PRPF8: variants seen among roughly 807,000 people sequenced by gnomAD.
PRPF8 encodes pre-mRNA-processing-splicing factor 8.
In PRPF8, 64 loss-of-function variants were observed where a neutral mutation model predicts 285.9. That is an observed-to-expected ratio of 0.22 (90% CI 0.18 to 0.28). PRPF8 has a LOEUF of 0.28. Among genes scored for constraint, PRPF8 ranks in the 10% least tolerant of loss-of-function variants. PRPF8 has a pLI of 1.00. For missense variants in PRPF8, 1,426 were observed against 3,026.7 expected (o/e 0.47, Z 12.41); for synonymous variants, 1,325 against 1,118.2 (o/e 1.18, Z -3.69).
chr17:1,655,191 C>A (rs1050345022), intron 37 of PRPF8, among the ~76,000 whole-genome samples, 159 bp downstream of exon 37: 3 of 151,984 alleles, frequency 2.0e-5, no homozygotes, highest in African/African-American at 7.3e-5. Flanking sequence ...CTCCTGACCT[C>A]AAATGATCTA....
chr17:1,672,806 T>G (rs557469351), intron 24 of PRPF8: 205 of 555,186 alleles, frequency 3.7e-4, no homozygotes, highest in African/African-American at 3.6e-3. Context: ...AATGCTTTTC[T>G]GTTCAAAATA....
rs138076455 is a variant in PRPF8, at chr17:1,651,776, G to A, written c.6382C>T (p.Leu2128=). The change falls in exon 40 of 43, where the codon CTA becomes TTA. Residue 2128 remains leucine, a synonymous_variant. Transcript: ENST00000304992. This position sits in a 1 kb window ranked among gnomAD's most constrained non-coding sequence, Gnocchi z 5.1. ...SDLRAQIAGY[L]YGVSPPDNPQ... ...TTATCTGGTGGGCTCACCCCATATA[G>A]GTATCCTGCAATCTGGAGACAAAGG... The A allele has an allele frequency of 1.4e-4, 231 of 1,614,126 alleles. 1 individual carries two copies. The African/African-American group carries it at 2.3e-3, about 16-fold the overall frequency.
At position 1,684,406 on chromosome 17, in the gene PRPF8, C is replaced by G. The variant is rs566019909; in HGVS notation, c.100+66G>C. ...GCTGCCCAAACGGGGAGGGTCCCCA[C>G]CCGCCTGCGCGCGCGCACACCCGCC... On this transcript the variant is annotated intron_variant, in intron 2 of 42. Transcript: ENST00000304992. 5.3e-5 allele frequency: 82 copies of G among 1,555,892 alleles called. 2 individuals are homozygous for G. In the East Asian group the frequency reaches 1.6e-3, roughly 30 times the overall value.
intron 1 of PRPF8, 48 bp downstream of exon 1, chr17:1,684,732 G>A: frequency 1.4e-6 from 1 of 723,148 alleles, no homozygotes; most frequent in Non-Finnish European, 2.4e-6. Context: ...CACTCGGCCC[G>A]ACCCGACCAC....
Position 1,656,275 on chromosome 17 carries a change from A to C in PRPF8, c.5793+117T>G. ...CTTAAACTCTCATGAAAGTCAACAG[A>C]GTTCCCACCCAATCTATAGGCTAAA... On this transcript the variant is annotated intron_variant, in intron 36 of 42. Coordinates refer to ENST00000304992, the MANE Select transcript of PRPF8 (RefSeq NM_006445.4). The C allele has an allele frequency of 3.9e-6, 5 of 1,298,380 alleles. No homozygotes were observed. In the South Asian group the frequency reaches 6.0e-5, roughly 16 times the overall value. The allele number at this position is 1,298,380 out of a possible 1,614,324, so 80.4% of individuals were successfully genotyped here.
intron 12 of PRPF8, 52 bp downstream of exon 12, chr17:1,678,710 G>A (rs1399676528): frequency 6.2e-7 from 1 of 1,613,976 alleles, no homozygotes; most frequent in African/African-American, 1.3e-5. Context: ...GGTCAGCACA[G>A]GCTTCCTCCA....
chr17:1,655,388 G>A lies in PRPF8; in HGVS notation c.5949C>T (p.Leu1983=), dbSNP rs2151112406. The A allele has an allele frequency of 1.9e-6, 3 of 1,613,852 alleles. No homozygotes were observed. The highest frequency in any genetic ancestry group is 2.5e-6 in the Non-Finnish European group (3 of 1,180,030). ...CGTAGTCAGCCAAGATCAGATCCTT[G>A]AGCTGCACCTCGACCTTGATCCATT... ...DEEWIKVEVQ[L]KDLILADYGK... is the part of the protein sequence containing the mutation. The change falls in exon 37 of 43, where the codon CTC becomes CTT. Residue 1983 remains leucine (L), a synonymous_variant. Transcript: ENST00000304992.
chr17:1,662,905 C>G (rs1052836277), intron 24 of PRPF8, among the ~76,000 whole-genome samples: 1 of 149,898 alleles, frequency 6.7e-6, no homozygotes, highest in African/African-American at 2.4e-5. Flanking sequence ...TGAAGAACAC[C>G]AGAAATGGTA....
At chr17:1,681,745 A>G in intron 5 of PRPF8, 55 bp from the exon 6 acceptor site, 2 of 1,609,298 alleles carry the variant, frequency 1.2e-6, no homozygotes, top group Non-Finnish European at 1.7e-6. Flanking sequence ...AACCCATACC[A>G]CCTACTGATC....
Position 1,661,437 on chromosome 17 carries a change from C to G in PRPF8, c.4203-31G>C, listed in dbSNP as rs775250538. Reference sequence around the variant, plus strand: ...AAAAAAAGAAAGATTCAAGTCAAAACGTGATCTCATATGAGGAGCTCAGCA... The same window carrying G: ...AAAAAAAGAAAGATTCAAGTCAAAAGGTGATCTCATATGAGGAGCTCAGCA... On this transcript the variant is annotated intron_variant, in intron 26 of 42. Coordinates refer to ENST00000304992, the MANE Select transcript of PRPF8 (RefSeq NM_006445.4). This position sits in a 1 kb window ranked among gnomAD's most constrained non-coding sequence, Gnocchi z 7.3. 6.2e-7 allele frequency: 1 copy of G among 1,613,928 alleles called. No homozygotes were observed. Among genetic ancestry groups the G allele is most frequent in the Non-Finnish European group, 8.5e-7 (1 of 1,180,038 alleles).
At position 1,679,770 on chromosome 17, in the gene PRPF8, C is replaced by T; in HGVS notation, c.1128G>A (p.Glu376=). ...KSQEPLPDDD[E]EFELPEFVEP... The stretch of plus-strand genomic sequence containing the variant: ...CCACAAACTCCGGGAGCTCAAATTC[C>T]TCATCATCATCCGGCAATGGTTCCT... Residue 376 remains glutamate, a synonymous_variant, in exon 9 of 43, where the codon GAG becomes GAA. Coordinates refer to ENST00000304992, the MANE Select transcript of PRPF8 (RefSeq NM_006445.4). This position sits in a 1 kb window ranked among gnomAD's most constrained non-coding sequence, Gnocchi z 4.7. 1 of 1,614,200 alleles carries T rather than the reference C, an allele frequency of 6.2e-7. No individual in the cohort carries two copies. The highest frequency in any genetic ancestry group is 8.5e-7 in the Non-Finnish European group (1 of 1,180,044).
At chr17:1,674,356 A>T (rs1311406933) in intron 21 of PRPF8, 86 bp downstream of exon 21, 8 of 1,370,328 alleles carry the variant, frequency 5.8e-6, no homozygotes, top group Non-Finnish European at 8.3e-6. Flanking sequence ...ACAGCAGTTA[A>T]GTCAACTCAG....
At position 1,658,400 on chromosome 17, in the gene PRPF8, C is replaced by T. The variant is rs937000275; in HGVS notation, c.5377-19G>A. Reference sequence around the variant, plus strand: ...CAAAGGTCTAGAGGAGGACGGCATTCGTTAGCATGGCCTACACAACACATC... The same window carrying T: ...CAAAGGTCTAGAGGAGGACGGCATTTGTTAGCATGGCCTACACAACACATC... On this transcript the variant is annotated intron_variant, in intron 33 of 42. Coordinates refer to ENST00000304992, the MANE Select transcript of PRPF8 (RefSeq NM_006445.4). The surrounding 1 kb of genome is among the most constrained non-coding windows in gnomAD (Gnocchi z 4.1). 9.3e-6 allele frequency: 15 copies of T among 1,614,082 alleles called. No individual in the cohort carries two copies. Among genetic ancestry groups the T allele is most frequent in the African/African-American group, 2.7e-5 (2 of 74,916 alleles).
chr17:1,668,891 T>C (rs983368252), intron 24 of PRPF8, among the ~76,000 whole-genome samples: 1 of 152,092 alleles, frequency 6.6e-6, no homozygotes, highest in African/African-American at 2.4e-5. Flanking sequence ...GCAATCATCA[T>C]ACCCTAATAC....
In PRPF8 at chr17:1,658,859, G is replaced by A. The variant is rs116784947; in HGVS notation, c.5139-96C>T. The A allele has an allele frequency of 1.5e-4, 166 of 1,100,676 alleles. No individual in the cohort carries two copies. The African/African-American group carries it at 1.8e-3, about 12-fold the overall frequency. The allele number at this position is 1,100,676 out of a possible 1,614,324, so 68.2% of individuals were successfully genotyped here. On this transcript the variant is annotated intron_variant, in intron 32 of 42. Transcript: ENST00000304992. The surrounding 1 kb of genome is among the most constrained non-coding windows in gnomAD (Gnocchi z 4.1). ...CTCTACAGAGGAAGAAAGACTGTTC[G>A]CCAGGCTGACAACACTCTGCTCATG...
intron 24 of PRPF8, among the ~76,000 whole-genome samples, chr17:1,667,283 A>G (rs1912044387): frequency 6.6e-6 from 1 of 152,150 alleles, no homozygotes; most frequent in South Asian, 2.1e-4. Flanking sequence ...GGAATTGCTG[A>G]TGTGTGTAAT....
chr17:1,672,685 G>T (rs1008230754), intron 24 of PRPF8, among the ~76,000 whole-genome samples: 9 of 152,118 alleles, frequency 5.9e-5, no homozygotes, highest in Non-Finnish European at 2.9e-5. Context: ...GCCTCTGAAG[G>T]TAAGTGAAGG....
rs368039857 is a variant in PRPF8, at chr17:1,679,227, G to C, written c.1410-21C>G. The C allele has an allele frequency of 2.5e-6, 4 of 1,614,112 alleles. No homozygotes were observed. The highest frequency in any genetic ancestry group is 3.4e-6 in the Non-Finnish European group (4 of 1,180,052). On this transcript the variant is annotated intron_variant, in intron 10 of 42. Transcript: ENST00000304992. This position sits in a 1 kb window ranked among gnomAD's most constrained non-coding sequence, Gnocchi z 4.7. ...AATACCTGAGGTGGGAACATGGAGA[G>C]TAAGAGTCAGCCTACTGATATCTCT...
intron 24 of PRPF8, among the ~76,000 whole-genome samples, chr17:1,665,268 G>A (rs533935851): frequency 1.3e-5 from 2 of 152,006 alleles, no homozygotes; most frequent in African/African-American, 2.4e-5. Flanking sequence ...GGCCAGGCAC[G>A]GTGGCTCACC....
Sources: allele counts gnomAD v4.1 joint callset (sites outside exome capture counted in the v4.1 genomes callset), GRCh38; gene constraint gnomAD v4.1.1; non-coding constraint Gnocchi (gnomAD v3.1); transcripts MANE v1.5; gene names NCBI Gene and HGNC (gene_info 2026-07-23, HGNC 2026-07-21).